BBS2: variants seen among roughly 807,000 people sequenced by gnomAD.
BBS2 encodes BBSome complex member BBS2.
In BBS2, 62 loss-of-function variants were observed where a neutral mutation model predicts 83.0. The observed-to-expected ratio is 0.75, with a 90% CI of 0.61 to 0.92. BBS2 has a LOEUF of 0.92. Among genes scored for constraint, BBS2 ranks in the 40% least tolerant of loss-of-function variants. The pLI is 0.00. For missense variants in BBS2, 784 were observed against 901.0 expected (o/e 0.87, Z 1.66); for synonymous variants, 303 against 326.1 (o/e 0.93, Z 0.76).
chr16:56,473,310 A>G (rs1963291141), intron 17 of BBS2, among the ~76,000 whole-genome samples: 1 of 152,190 alleles, frequency 6.6e-6, no homozygotes, highest in South Asian at 2.1e-4. Context: ...GCCACAATTA[A>G]GTTTTGAAAA....
chr16:56,515,409 G>A (rs1300535047), intron 1 of BBS2, among the ~76,000 whole-genome samples: 2 of 152,126 alleles, frequency 1.3e-5, no homozygotes, highest in Admixed American at 6.6e-5. Flanking sequence ...TTTGCGATGG[G>A]GAATCGTGTA....
intron 17 of BBS2, chr16:56,475,716 G>A: frequency 1.4e-6 from 1 of 690,856 alleles, no homozygotes; most frequent in Non-Finnish European, 2.5e-6. Flanking sequence ...AAATACTCAG[G>A]ATGGAATAAA....
intron 1 of BBS2, among the ~76,000 whole-genome samples, chr16:56,516,377 C>G (rs555170855): frequency 6.6e-6 from 1 of 152,090 alleles, no homozygotes; most frequent in African/African-American, 2.4e-5. Flanking sequence ...TAATATTCAC[C>G]CTGCAAGAGA....
intron 12 of BBS2, chr16:56,499,433 C>T (rs578184470): frequency 8.5e-4 from 280 of 327,534 alleles, no homozygotes; most frequent in African/African-American, 5.4e-3. Context: ...AAGCCAAAAA[C>T]GTTCTTAGCT....
chr16:56,480,366 C>CAAAA (rs1157907841), downstream of BBS2, among the ~76,000 whole-genome samples: 2 of 90,228 alleles, frequency 2.2e-5, no homozygotes, highest in African/African-American at 4.2e-5. Context: ...AAAAAAAAAA[C>CAAAA]AAAAAAAAAA....
intron 15 of BBS2, among the ~76,000 whole-genome samples, chr16:56,491,689 T>C (rs1597007339): frequency 3.4e-5 from 3 of 87,888 alleles, no homozygotes; most frequent in Non-Finnish European, 6.7e-5. Flanking sequence ...AAATGCCCAA[T>C]ACTGAACATA....
chr16:56,504,892 T>C (rs1964381390), intron 7 of BBS2, among the ~76,000 whole-genome samples: 1 of 151,896 alleles, frequency 6.6e-6, no homozygotes, highest in Non-Finnish European at 1.5e-5. Flanking sequence ...TTGTGAGAGG[T>C]GATTAGGTCA....
Position 56,497,894 on chromosome 16 carries a change from A to G in BBS2, c.1660-14T>C. The G allele has an allele frequency of 1.2e-6, 2 of 1,607,456 alleles. No homozygotes were observed. Among genetic ancestry groups the G allele is most frequent in the Non-Finnish European group, 1.7e-6 (2 of 1,179,656 alleles). Reference sequence around the variant, plus strand: ...ATTTATAGTGATCTACCCAGAGAAAAAATAGACAAGTTTAGCATCCTCAGA... The same window carrying G: ...ATTTATAGTGATCTACCCAGAGAAAGAATAGACAAGTTTAGCATCCTCAGA... On this transcript the variant is annotated splice_polypyrimidine_tract_variant and intron_variant, in intron 13 of 16. Coordinates refer to ENST00000245157, the MANE Select transcript of BBS2 (RefSeq NM_031885.5).
chr16:56,519,948 G>A lies in BBS2; in HGVS notation c.-86C>T, dbSNP rs1212852743. The A allele has an allele frequency of 1.0e-5, 12 of 1,185,896 alleles. No homozygotes were observed. The highest frequency in any genetic ancestry group is 1.1e-5 in the Non-Finnish European group (9 of 802,308). The allele number at this position is 1,185,896 out of a possible 1,614,324, so 73.5% of individuals were successfully genotyped here. On this transcript the variant is annotated 5_prime_UTR_variant, in exon 1 of 17. Transcript: ENST00000245157. Reference sequence around the variant, plus strand: ...TCACGCGCCCGGGCAAGAAGTGCAGGGACACTACCTGCGCGGCCCCAGCCG... The same window carrying A: ...TCACGCGCCCGGGCAAGAAGTGCAGAGACACTACCTGCGCGGCCCCAGCCG...
At chr16:56,502,883 A>T in intron 7 of BBS2, 75 bp from the exon 8 acceptor site, 4 of 1,545,710 alleles carry the variant, frequency 2.6e-6, no homozygotes, top group Non-Finnish European at 3.5e-6. Flanking sequence ...AATAAAAATC[A>T]GCTTTAAAGG....
chr16:56,473,275 A>G (rs917362866), intron 17 of BBS2, among the ~76,000 whole-genome samples: 1 of 152,182 alleles, frequency 6.6e-6, no homozygotes, highest in African/African-American at 2.4e-5. Flanking sequence ...TTGCATTTCT[A>G]GAAGCTTTTA....
chr16:56,519,464 C>T, intron 1 of BBS2: 2 of 438,702 alleles, frequency 4.6e-6, no homozygotes, highest in East Asian at 8.5e-5. Context: ...CAAACCCCTT[C>T]CCTCAGGAGA....
chr16:56,507,003 G>A (rs915521565), intron 5 of BBS2, among the ~76,000 whole-genome samples: 5 of 152,126 alleles, frequency 3.3e-5, no homozygotes, highest in Non-Finnish European at 5.9e-5. Flanking sequence ...GCAGAGAATA[G>A]TTATATAATT....
At chr16:56,500,008 T>C in intron 11 of BBS2, 101 bp from the exon 12 acceptor site, 2 of 1,429,192 alleles carry the variant, frequency 1.4e-6, no homozygotes, top group Non-Finnish European at 2.0e-6. Flanking sequence ...CATCAATTGA[T>C]ATTTAAGGGT....
intron 17 of BBS2, chr16:56,478,039 G>T (rs1398140609): frequency 8.5e-5 from 13 of 152,140 alleles, no homozygotes. Context: ...ATAACTTACT[G>T]TTATAAAACA....
At chr16:56,490,151 A>ACACACAC (rs1555520686) in intron 15 of BBS2, among the ~76,000 whole-genome samples, 2 of 149,566 alleles carry the variant, frequency 1.3e-5, no homozygotes, top group African/African-American at 5.0e-5. Context: ...CACACACACA[A>ACACACAC]AAATAATAAT....
At chr16:56,491,324 T>G (rs1417809661) in intron 15 of BBS2, among the ~76,000 whole-genome samples, 1 of 151,902 alleles carries the variant, frequency 6.6e-6, no homozygotes, top group Non-Finnish European at 1.5e-5. Flanking sequence ...CTCTCAGGAG[T>G]GAGTTCTCGC....
At chr16:56,481,562 A>G (rs1026098904), downstream of BBS2, among the ~76,000 whole-genome samples, 2 of 152,184 alleles carry the variant, frequency 1.3e-5, no homozygotes, top group Non-Finnish European at 2.9e-5. Flanking sequence ...CAAAATCCTC[A>G]AAGTCAGCTT....
Position 56,514,672 on chromosome 16 carries a change from A to C in BBS2, c.126T>G (p.Ile42Met), listed in dbSNP as rs139945733. 3.8e-4 allele frequency: 612 copies of C among 1,612,452 alleles called. 2 individuals are homozygous for C. Among genetic ancestry groups the C allele is most frequent in the Non-Finnish European group, 2.0e-4 (235 of 1,178,646 alleles). The change falls in exon 2 of 17, where the codon ATT (isoleucine) becomes ATG (methionine). Residue 42 changes from isoleucine (I) to methionine (M), a missense_variant. Coordinates refer to ENST00000245157, the MANE Select transcript of BBS2 (RefSeq NM_031885.5). The stretch of plus-strand genomic sequence containing the variant: ...GCTGGTTCCGTGTATGAGGATTATG[A>C]ATAAAAACCTGAAACAAAAATAACT... ...AAATQTGKVF[I>M]HNPHTRNQHV... is the part of the protein sequence containing the mutation.
Sources: allele counts gnomAD v4.1 joint callset (sites outside exome capture counted in the v4.1 genomes callset), GRCh38; gene constraint gnomAD v4.1.1; transcripts MANE v1.5; gene names NCBI Gene and HGNC (gene_info 2026-07-23, HGNC 2026-07-21).